Variants in SNX14 observed in about 807,000 individuals in gnomAD.
The protein encoded by SNX14 is sorting nexin-14.
Under a neutral mutation model 133.8 loss-of-function variants are expected in SNX14, and 93 were observed. The ratio of observed to expected loss-of-function variants is 0.70; its 90% CI spans 0.59 to 0.83. The LOEUF (loss-of-function observed/expected upper bound fraction) is 0.83, where lower values mean the gene tolerates loss of function less well. SNX14 is among the 40% of genes least tolerant of loss of function. The pLI, the probability that SNX14 is intolerant of heterozygous loss-of-function variation, is 0.00. For synonymous variants in SNX14, 368 were observed against 365.6 expected, an observed-to-expected ratio of 1.01 and a Z score of -0.07; for missense variants, 945 against 1,094.9, an observed-to-expected ratio of 0.86 and a Z score of 1.93.
At position 85,548,359 on chromosome 6, in the gene SNX14, A is replaced by G. The variant is rs766963036; in HGVS notation, c.809T>C (p.Ile270Thr). ...ATDCRSLTLLIREILSGSVFL... is the reference protein window; with the variant it reads ...ATDCRSLTLLTREILSGSVFL... ...CACAGAGCCAGACAGAATCTCTCTT[A>G]TAAGTAAGGTCAGAGATCTGGAAAA... is the stretch of plus-strand genomic sequence containing the variant. The change falls in exon 9 of 29, where the codon ATA becomes ACA. Residue 270 changes from isoleucine to threonine, a missense_variant. Physicochemically the swap from Ile to Thr is moderately conservative, Grantham distance 89. Coordinates refer to ENST00000314673, the MANE Select transcript of SNX14 (RefSeq NM_153816.6). The G allele has an allele frequency of 1.2e-6, 2 of 1,605,926 alleles. No individual in the cohort carries two copies. Among genetic ancestry groups the G allele is most frequent in the Non-Finnish European group, 1.7e-6 (2 of 1,176,502 alleles).
intron 6 of SNX14, among the ~76,000 whole-genome samples, chr6:85,560,884 A>G (rs1170407818): frequency 6.6e-6 from 1 of 151,762 alleles, no homozygotes; most frequent in Non-Finnish European, 1.5e-5. Context: ...AAATACAAAA[A>G]TTAGCCAGGC....
chr6:85,576,849 T>A (rs139430687), intron 1 of SNX14, among the ~76,000 whole-genome samples: 1 of 152,156 alleles, frequency 6.6e-6, no homozygotes, highest in Non-Finnish European at 1.5e-5. Context: ...GTAATACCTA[T>A]GAGACAATTA....
chr6:85,512,262 T>C (rs1466653117), intron 26 of SNX14, among the ~76,000 whole-genome samples: 1 of 152,112 alleles, frequency 6.6e-6, no homozygotes, highest in Admixed American at 6.5e-5. Context: ...CAGAAGCACA[T>C]GGGGATTTTT....
At chr6:85,592,375 G>T (rs1803070287) in intron 1 of SNX14, among the ~76,000 whole-genome samples, 1 of 152,160 alleles carries the variant, frequency 6.6e-6, no homozygotes, top group Non-Finnish European at 1.5e-5. Context: ...CTATCCTTGG[G>T]AATCAACTAC....
In SNX14 at chr6:85,589,475, C is replaced by T. The variant is rs60478971; in HGVS notation, c.140+4104G>A. On this transcript the variant is annotated intron_variant, in intron 1 of 28. Coordinates refer to ENST00000314673, the MANE Select transcript of SNX14 (RefSeq NM_153816.6). ...TCAAGTGAGCCATCCACCTTGGCCT[C>T]CCAAAATGCTGGCATTACAGGCATG... The T allele has an allele frequency of 2.2e-3, 338 of 154,238 alleles. 1 individual carries two copies. The highest frequency in any genetic ancestry group is 6.7e-3 in the African/African-American group (277 of 41,580). The allele number at this position is 154,238 out of a possible 1,614,324, so 9.6% of individuals were successfully genotyped here.
chr6:85,551,028 A>C, intron 7 of SNX14, among the ~76,000 whole-genome samples: 1 of 152,074 alleles, frequency 6.6e-6, no homozygotes, highest in East Asian at 1.9e-4. Flanking sequence ...TGATCCACCC[A>C]CTTCGGCCTC....
chr6:85,579,355 C>T (rs879042822), intron 1 of SNX14, among the ~76,000 whole-genome samples: 47 of 152,202 alleles, frequency 3.1e-4, no homozygotes, highest in African/African-American at 1.0e-3. Flanking sequence ...AGAGGCAGAA[C>T]AAGATAGCCA....
At chr6:85,526,713 T>A (rs1159129550) in intron 20 of SNX14, among the ~76,000 whole-genome samples, 1 of 152,142 alleles carries the variant, frequency 6.6e-6, no homozygotes, top group Admixed American at 6.5e-5. Flanking sequence ...GAAAACTAGA[T>A]GGGGAAATGT....
intron 7 of SNX14, among the ~76,000 whole-genome samples, chr6:85,552,517 T>C (rs989051212): frequency 4.6e-5 from 7 of 152,086 alleles, no homozygotes; most frequent in Non-Finnish European, 8.8e-5. Flanking sequence ...CCAAGGGAAA[T>C]TGCAGGCACC....
chr6:85,516,737 A>G (rs1357730340), intron 23 of SNX14, among the ~76,000 whole-genome samples: 1 of 148,720 alleles, frequency 6.7e-6, no homozygotes, highest in Non-Finnish European at 1.5e-5. Context: ...TCCCAGGTTC[A>G]AGCGACTCTC....
chr6:85,544,931 T>C (rs918089197), intron 12 of SNX14, among the ~76,000 whole-genome samples: 1 of 152,162 alleles, frequency 6.6e-6, no homozygotes, highest in African/African-American at 2.4e-5. Context: ...CCTTTAAAAA[T>C]GAATGTGTGT....
rs1343396093 is a variant in SNX14 at position 85,513,865 on chromosome 6, C to T, written c.2588G>A (p.Arg863His). 14 of 1,612,366 alleles carry T rather than the reference C, an allele frequency of 8.7e-6. No homozygotes were observed. Among genetic ancestry groups the T allele is most frequent in the Non-Finnish European group, 9.3e-6 (11 of 1,179,600 alleles). The change falls in exon 26 of 29, where the codon CGC becomes CAC. Residue 863 changes from arginine (R) to histidine (H), a missense_variant. Arg to His is a conservative substitution (Grantham distance 29). This residue lies in a region of SNX14 where 412 missense variants were observed against 516.6 expected (regional missense o/e 0.80). Coordinates refer to ENST00000314673, the MANE Select transcript of SNX14 (RefSeq NM_153816.6). ...TCCTTTTTGCTTATCTTGGAGAGAGCGAGGTTCAGTGTTTTCACAGAATAT... is the reference window on the plus strand; with the variant it reads ...TCCTTTTTGCTTATCTTGGAGAGAGTGAGGTTCAGTGTTTTCACAGAATAT... ...DAIFCENTEP[R>H]SLQDKQKGAK... is the part of the protein sequence containing the mutation.
intron 2 of SNX14, 41 bp downstream of exon 2, chr6:85,574,217 C>CAT (rs1562380270): frequency 6.7e-7 from 1 of 1,487,718 alleles, no homozygotes; most frequent in Admixed American, 1.9e-5. Context: ...AGCTTAGGCT[C>CAT]ATATACATTG....
intron 15 of SNX14, among the ~76,000 whole-genome samples, 174 bp downstream of exon 15, chr6:85,541,811 G>A (rs188170453): frequency 2.0e-5 from 3 of 152,180 alleles, no homozygotes; most frequent in Admixed American, 2.0e-4. Flanking sequence ...AAGAATTTCA[G>A]GCATTTTCAG....
intron 26 of SNX14, among the ~76,000 whole-genome samples, chr6:85,509,862 T>A (rs761496863): frequency 7.9e-5 from 12 of 152,178 alleles, no homozygotes; most frequent in Non-Finnish European, 1.5e-4. Flanking sequence ...TAGTTTTGCC[T>A]TTTCCAAAAC....
intron 1 of SNX14, among the ~76,000 whole-genome samples, chr6:85,584,179 G>A (rs970049750): frequency 6.6e-6 from 1 of 152,186 alleles, no homozygotes; most frequent in African/African-American, 2.4e-5. Context: ...ATGGTGTTGG[G>A]AAAACTGGCT....
chr6:85,555,777 G>A (rs954627355), intron 7 of SNX14, among the ~76,000 whole-genome samples: 1 of 151,902 alleles, frequency 6.6e-6, no homozygotes, highest in Non-Finnish European at 1.5e-5. Context: ...ATCAGCTGAG[G>A]TCAGGAATTC....
Position 85,528,319 on chromosome 6 carries a change from G to C in SNX14, c.1938C>G (p.Gly646=). ...ACTTTAAGAATTCATAATTTTTGGG[G>C]CCAATGATCCTCTTAGAAGGAAGCT... is the stretch of plus-strand genomic sequence containing the variant. ...DAQLPSKRII[G]PKNYEFLKSK... Residue 646 remains glycine, a synonymous_variant, in exon 20 of 29, where the codon GGC becomes GGG. Coordinates refer to ENST00000314673, the MANE Select transcript of SNX14 (RefSeq NM_153816.6). 1 of 1,613,092 alleles carries C rather than the reference G, an allele frequency of 6.2e-7. No homozygotes were observed. Among genetic ancestry groups the C allele is most frequent in the South Asian group, 1.1e-5 (1 of 90,926 alleles).
intron 21 of SNX14, 65 bp from the exon 22 acceptor site, chr6:85,518,113 T>C: frequency 5.4e-6 from 7 of 1,289,814 alleles, no homozygotes; most frequent in South Asian, 1.3e-5. Context: ...CTCACATGAA[T>C]ACTTAACCAG....
Sources: allele counts gnomAD v4.1 joint callset (sites outside exome capture counted in the v4.1 genomes callset), GRCh38; gene constraint gnomAD v4.1.1; regional missense constraint gnomAD v4.1.1; transcripts MANE v1.5; gene names NCBI Gene and HGNC (gene_info 2026-07-23, HGNC 2026-07-21).